SSBP2: variants seen among roughly 807,000 people sequenced by gnomAD.
SSBP2 encodes single-stranded DNA-binding protein 2.
In SSBP2, 17 loss-of-function variants were observed where a neutral mutation model predicts 61.8. The observed-to-expected ratio is 0.28, with a 90% CI of 0.19 to 0.41. SSBP2 has a LOEUF of 0.41. SSBP2 is among the 10% of genes least tolerant of loss of function. The pLI, the probability that SSBP2 is intolerant of heterozygous loss-of-function variation, is 1.00. For synonymous variants in SSBP2, 139 were observed against 141.3 expected (o/e 0.98, Z 0.12); for missense variants, 310 against 458.7 (o/e 0.68, Z 2.96).
chr5:81,668,394 T>C (rs1751339648), intron 1 of SSBP2, among the ~76,000 whole-genome samples: 1 of 152,028 alleles, frequency 6.6e-6, no homozygotes, highest in Non-Finnish European at 1.5e-5. Context: ...TAACCAAATA[T>C]TCCTAAGTAG....
At chr5:81,738,475 G>C (rs1756773695) in intron 1 of SSBP2, among the ~76,000 whole-genome samples, 2 of 152,080 alleles carry the variant, frequency 1.3e-5, no homozygotes, top group Admixed American at 1.3e-4. Flanking sequence ...ACTTCTTCCA[G>C]GAACTCAAAA....
chr5:81,501,260 TATATATATAC>T lies in SSBP2; in HGVS notation c.373-11961_373-11952del, dbSNP rs1215265447. ...ATATATATATATATATATATATATA[TATATATATAC>T]ACACACACACACATGCACATACACC... is the stretch of plus-strand genomic sequence containing the variant. On this transcript the variant is annotated intron_variant, in intron 5 of 16. Coordinates refer to ENST00000320672, the MANE Select transcript of SSBP2 (RefSeq NM_012446.5). Among the ~76,000 whole-genome samples the T allele has an allele frequency of 2.1e-3, 102 of 48,994 alleles. 10 individuals are homozygous for T. The highest frequency in any genetic ancestry group is 0.016 in the Middle Eastern group (2 of 124). 32.1% of individuals were successfully genotyped at this position (48,994 alleles called of 152,430 possible).
At chr5:81,437,013 C>A (rs1008954299) in intron 15 of SSBP2, among the ~76,000 whole-genome samples, 7 of 152,082 alleles carry the variant, frequency 4.6e-5, no homozygotes, top group African/African-American at 1.4e-4. Flanking sequence ...GAATTGGATA[C>A]GTAAATGCAA....
At chr5:81,725,540 A>G (rs1363176585) in intron 1 of SSBP2, among the ~76,000 whole-genome samples, 1 of 152,190 alleles carries the variant, frequency 6.6e-6, no homozygotes, top group Non-Finnish European at 1.5e-5. Flanking sequence ...CCAAAAGCCC[A>G]TAAGAGGACA....
chr5:81,669,942 T>C (rs1292081897), intron 1 of SSBP2, among the ~76,000 whole-genome samples: 1 of 151,112 alleles, frequency 6.6e-6, no homozygotes, highest in Non-Finnish European at 1.5e-5. Context: ...ATTCCAACTT[T>C]ATGACATACT....
At chr5:81,440,805 T>G (rs941355490) in intron 13 of SSBP2, among the ~76,000 whole-genome samples, 169 bp from the exon 14 acceptor site, 5 of 152,232 alleles carry the variant, frequency 3.3e-5, no homozygotes, top group South Asian at 2.1e-4. Context: ...CTAACTGGAC[T>G]GTTCACCTCT....
chr5:81,694,422 A>G (rs568622086), intron 1 of SSBP2, among the ~76,000 whole-genome samples: 6 of 152,220 alleles, frequency 3.9e-5, no homozygotes, highest in South Asian at 2.1e-4. Flanking sequence ...GTGTCACATT[A>G]TCTCAAGTAT....
intron 10 of SSBP2, among the ~76,000 whole-genome samples, chr5:81,455,607 CAG>C (rs1328640333): frequency 7.9e-5 from 3 of 38,140 alleles, no homozygotes; most frequent in Non-Finnish European, 1.1e-4. Flanking sequence ...GCCTGGGCGA[CAG>C]AGCGAGACTC....
At chr5:81,545,667 A>G (rs1284156866) in intron 4 of SSBP2, among the ~76,000 whole-genome samples, 1 of 152,176 alleles carries the variant, frequency 6.6e-6, no homozygotes, top group Admixed American at 6.5e-5. Context: ...AACAAGACAC[A>G]TTTTGTGCTT....
Position 81,413,814 on chromosome 5 carries a change from GATT to G in SSBP2, c.*6687_*6689del, listed in dbSNP as rs1168013414. 1 of 152,140 alleles carries G rather than the reference GATT, an allele frequency of 6.6e-6. No homozygotes were observed. The highest frequency in any genetic ancestry group is 1.5e-5 in the Non-Finnish European group (1 of 67,986). 9.4% of individuals were successfully genotyped at this position (152,140 alleles called of 1,614,324 possible). On this transcript the variant is annotated 3_prime_UTR_variant, in exon 17 of 17. Coordinates refer to ENST00000320672, the MANE Select transcript of SSBP2 (RefSeq NM_012446.5). The stretch of plus-strand genomic sequence containing the variant: ...GTTGTCAAATTATGGTAACTGTACA[GATT>G]ATTTGAATTGTTTTTTAATAAGTAG...
At chr5:81,505,727 T>C (rs1297975554) in intron 5 of SSBP2, among the ~76,000 whole-genome samples, 2 of 152,218 alleles carry the variant, frequency 1.3e-5, no homozygotes, top group Non-Finnish European at 2.9e-5. Flanking sequence ...TTTTAAACTA[T>C]GATGCTTTAT....
chr5:81,594,781 T>A (rs1051867428), intron 4 of SSBP2, among the ~76,000 whole-genome samples: 2 of 152,138 alleles, frequency 1.3e-5, no homozygotes, highest in African/African-American at 2.4e-5. Context: ...ATAAAGATGT[T>A]CTTTGAAACC....
chr5:81,645,535 T>C (rs1749169809), intron 2 of SSBP2, among the ~76,000 whole-genome samples: 3 of 152,230 alleles, frequency 2.0e-5, no homozygotes, highest in African/African-American at 7.2e-5. Flanking sequence ...TTAAGGGTAT[T>C]GAGCCTCATT....
intron 1 of SSBP2, among the ~76,000 whole-genome samples, chr5:81,661,040 G>A (rs879772893): frequency 2.6e-5 from 4 of 152,070 alleles, no homozygotes; most frequent in Admixed American, 6.6e-5. Flanking sequence ...AGAGCATTAG[G>A]ACTAATACCT....
In SSBP2 at chr5:81,444,566, A is replaced by G. The variant is rs571711842; in HGVS notation, c.779-1843T>C. Among the ~76,000 whole-genome samples, 11 of 152,338 alleles carry G rather than the reference A, an allele frequency of 7.2e-5. No individual in the cohort carries two copies. The East Asian group carries it at 1.9e-3, about 27-fold the overall frequency. On this transcript the variant is annotated intron_variant, in intron 12 of 16. Coordinates refer to ENST00000320672, the MANE Select transcript of SSBP2 (RefSeq NM_012446.5). ...GGACCGTGTCTTACTCATCTTGTGT[A>G]CTAAAGACAATAAGTACTGCTAACT...
intron 1 of SSBP2, among the ~76,000 whole-genome samples, chr5:81,659,272 G>T (rs1461808928): frequency 6.6e-6 from 1 of 152,154 alleles, no homozygotes; most frequent in Non-Finnish European, 1.5e-5. Context: ...AAACTCCAGT[G>T]TCTCAGCCCA....
chr5:81,513,847 T>C, intron 4 of SSBP2, 130 bp from the exon 5 acceptor site: 1 of 576,716 alleles, frequency 1.7e-6, no homozygotes, highest in Admixed American at 3.1e-5. Context: ...ATTTTCCCCA[T>C]CCTAGAAGTA....
chr5:81,661,509 C>G (rs1481464596), intron 1 of SSBP2, among the ~76,000 whole-genome samples: 1 of 123,528 alleles, frequency 8.1e-6, no homozygotes, highest in Non-Finnish European at 1.6e-5. Flanking sequence ...CTCAATAACA[C>G]TTCTCTCTTT....
chr5:81,496,248 C>A (rs182366257), intron 5 of SSBP2, among the ~76,000 whole-genome samples: 1 of 152,032 alleles, frequency 6.6e-6, no homozygotes, highest in African/African-American at 2.4e-5. Flanking sequence ...GGCGCGATCT[C>A]GGCTCACTGC....
Sources: gnomAD v4.1 joint callset for allele counts (sites outside exome capture counted in the v4.1 genomes callset) on GRCh38, gnomAD v4.1.1 for gene constraint, MANE v1.5 for transcripts, NCBI Gene and HGNC (gene_info 2026-07-23, HGNC 2026-07-21) for gene names.